PTPA: variants seen among roughly 807,000 people sequenced by gnomAD.
The protein encoded by PTPA is serine/threonine-protein phosphatase 2A activator.
PTPA carries 13 observed loss-of-function variants against 43.6 expected under a neutral mutation model. The observed-to-expected ratio is 0.30, with a 90% confidence interval of 0.19 to 0.47. PTPA has a LOEUF of 0.47. PTPA is among the 20% of genes least tolerant of loss of function. The pLI is 0.99. For synonymous variants in PTPA, 172 were observed against 158.2 expected (o/e 1.09, Z -0.66); for missense variants, 329 against 411.9 (o/e 0.80, Z 1.74).
At chr9:129,121,844 G>C (rs571647210) in intron 2 of PTPA, among the ~76,000 whole-genome samples, 1 of 152,312 alleles carries the variant, frequency 6.6e-6, no homozygotes, top group African/African-American at 2.4e-5. Flanking sequence ...GTCAGGACAG[G>C]GGCTCAGACT....
intron 7 of PTPA, 103 bp downstream of exon 7, chr9:129,136,698 A>G: frequency 2.2e-6 from 3 of 1,348,336 alleles, no homozygotes; most frequent in Non-Finnish European, 3.0e-6. Flanking sequence ...CTTCCTGCCC[A>G]GGGCAGACAG....
intron 8 of PTPA, among the ~76,000 whole-genome samples, chr9:129,140,361 C>T (rs1850699251): frequency 1.3e-5 from 2 of 152,208 alleles, no homozygotes; most frequent in East Asian, 1.9e-4. Flanking sequence ...AGGACTGTAA[C>T]CTCCCTGAAG....
chr9:129,143,338 G>A, intron 9 of PTPA: 1 of 703,118 alleles, frequency 1.4e-6, no homozygotes, highest in Non-Finnish European at 2.6e-6. Flanking sequence ...CACACCTGGA[G>A]TGATGGGTCC....
rs540265310 is a variant in PTPA at position 129,138,726 on chromosome 9, T to C, written c.786+1034T>C. 3.9e-5 allele frequency among the ~76,000 whole-genome samples: 6 copies of C among 152,338 alleles called. No homozygotes were observed. In the South Asian group the frequency reaches 6.2e-4, roughly 16 times the overall value. ...GAGCCCCCGACGAGGTGGAGAAAGC[T>C]GGGTTATAACCAGCAGCCTTGGCTC... On this transcript the variant is annotated intron_variant, in intron 8 of 9. Coordinates refer to ENST00000393370, the MANE Select transcript of PTPA (RefSeq NM_178000.3).
chr9:129,122,148 G>C (rs887462701), intron 2 of PTPA, among the ~76,000 whole-genome samples: 3 of 152,038 alleles, frequency 2.0e-5, no homozygotes, highest in African/African-American at 7.2e-5. Context: ...TGGCCCCCAG[G>C]CTGGAGTTCA....
At chr9:129,142,351 T>TGC (rs1850932676) in intron 8 of PTPA, 94 bp from the exon 9 acceptor site, 3 of 1,117,596 alleles carry the variant, frequency 2.7e-6, no homozygotes, top group Non-Finnish European at 3.9e-6. Flanking sequence ...TGTGTGTGTG[T>TGC]GTGTGCATGC....
intron 9 of PTPA, 104 bp downstream of exon 9, chr9:129,142,656 C>T: frequency 6.4e-7 from 1 of 1,557,266 alleles, no homozygotes; most frequent in Non-Finnish European, 8.7e-7. Flanking sequence ...TTCCTCCTAC[C>T]CCACTGTTTT....
intron 2 of PTPA, among the ~76,000 whole-genome samples, chr9:129,122,522 C>CT (rs1849311490): frequency 1.3e-5 from 2 of 152,150 alleles, no homozygotes; most frequent in African/African-American, 2.4e-5. Context: ...CATCTGCACT[C>CT]CAACTAGACA....
chr9:129,123,121 G>A lies in PTPA; in HGVS notation c.199G>A (p.Glu67Lys), dbSNP rs997211806. Residue 67 changes from glutamate (E) to lysine (K), a missense_variant, in exon 3 of 10, where the codon GAG (glutamate) becomes AAG (lysine). Glu to Lys is a moderately conservative substitution (Grantham distance 56). Transcript: ENST00000393370. ...TGTGAAGGGGAAGAAGCTGACCTTC[G>A]AGTACAGAGTCTCCGAGGTAGGCCC... ...EGVKGKKLTF[E>K]YRVSEAIEKL... 3.7e-6 allele frequency: 6 copies of A among 1,610,364 alleles called. No homozygotes were observed. Among genetic ancestry groups the A allele is most frequent in the African/African-American group, 2.7e-5 (2 of 74,926 alleles).
chr9:129,115,430 C>T (rs907772417), intron 1 of PTPA, among the ~76,000 whole-genome samples: 1 of 152,132 alleles, frequency 6.6e-6, no homozygotes, highest in Non-Finnish European at 1.5e-5. Context: ...GTCTCCAAGT[C>T]CCCTGGCACT....
chr9:129,137,561 T>G (rs767343284), intron 7 of PTPA, 31 bp from the exon 8 acceptor site: 9 of 1,563,258 alleles, frequency 5.8e-6, no homozygotes, highest in Non-Finnish European at 7.9e-6. Context: ...GGGGCCTGGT[T>G]CTGAATGCTG....
chr9:129,113,793 A>G (rs1173278095), intron 1 of PTPA, among the ~76,000 whole-genome samples: 1 of 152,064 alleles, frequency 6.6e-6, no homozygotes, highest in Non-Finnish European at 1.5e-5. Flanking sequence ...CAAAAAAGAA[A>G]AAGTTCTGGT....
At chr9:129,124,781 C>T (rs1413452944) in intron 3 of PTPA, among the ~76,000 whole-genome samples, 2 of 152,224 alleles carry the variant, frequency 1.3e-5, no homozygotes, top group Non-Finnish European at 2.9e-5. Context: ...GCTCTCTAGC[C>T]ACAGCCTTGG....
intron 1 of PTPA, among the ~76,000 whole-genome samples, chr9:129,116,380 G>GTTTCTTT: frequency 8.1e-6 from 1 of 123,022 alleles, no homozygotes; most frequent in Non-Finnish European, 1.6e-5. Flanking sequence ...TAGAGACAGG[G>GTTTCTTT]TTTCTTTTTT....
chr9:129,129,197 C>T lies in PTPA; in HGVS notation c.342+87C>T, dbSNP rs147685207. The T allele has an allele frequency of 9.6e-5, 143 of 1,491,534 alleles. No individual in the cohort carries two copies. In the East Asian group the frequency reaches 2.2e-3, roughly 23 times the overall value. 92.4% of individuals were successfully genotyped at this position (1,491,534 alleles called of 1,614,324 possible). On this transcript the variant is annotated intron_variant, in intron 4 of 9. Coordinates refer to ENST00000393370, the MANE Select transcript of PTPA (RefSeq NM_178000.3). Reference sequence around the variant, plus strand: ...TTGGGGAAGGGCCTGCATTGTATAGCGCTTCTAGGCATATACAAATCTCAG... The same window carrying T: ...TTGGGGAAGGGCCTGCATTGTATAGTGCTTCTAGGCATATACAAATCTCAG...
intron 8 of PTPA, among the ~76,000 whole-genome samples, chr9:129,141,048 G>T (rs896576620): frequency 1.3e-5 from 2 of 152,122 alleles, no homozygotes; most frequent in Non-Finnish European, 1.5e-5. Context: ...AGAAGAGGAG[G>T]GGAGGGAGGA....
chr9:129,132,897 A>C (rs1188932790), intron 5 of PTPA, among the ~76,000 whole-genome samples: 2 of 152,222 alleles, frequency 1.3e-5, no homozygotes, highest in Non-Finnish European at 2.9e-5. Context: ...AGCCTCCCAA[A>C]GTGCTCAGAT....
intron 8 of PTPA, 188 bp from the exon 9 acceptor site, chr9:129,142,257 G>A (rs1850915457): frequency 6.1e-6 from 3 of 488,986 alleles, no homozygotes; most frequent in Non-Finnish European, 1.1e-5. Flanking sequence ...ACTTGCATGT[G>A]CCTGTTTGTA....
At chr9:129,137,470 G>A (rs1850446936) in intron 7 of PTPA, 122 bp from the exon 8 acceptor site, 2 of 671,626 alleles carry the variant, frequency 3.0e-6, no homozygotes, top group South Asian at 1.9e-5. Context: ...CTCCTTCAAG[G>A]TGAGGTGTTG....
Sources: gnomAD v4.1 joint callset for allele counts (sites outside exome capture counted in the v4.1 genomes callset) on GRCh38, gnomAD v4.1.1 for gene constraint, MANE v1.5 for transcripts, NCBI Gene and HGNC (gene_info 2026-07-23, HGNC 2026-07-21) for gene names.